Variants in RNF130 observed in about 807,000 individuals in gnomAD.
RNF130 encodes the protein E3 ubiquitin-protein ligase RNF130.
A neutral mutation model predicts 44.6 loss-of-function variants in RNF130; 21 were observed. That is an observed-to-expected ratio of 0.47 (90% CI 0.33 to 0.68). The LOEUF (loss-of-function observed/expected upper bound fraction) is 0.68, where lower values mean the gene tolerates loss of function less well. Among genes scored for constraint, RNF130 ranks in the 30% least tolerant of loss-of-function variants. The pLI is 0.02. For missense variants in RNF130, 479 were observed against 560.6 expected (o/e 0.85, Z 1.47); for synonymous variants, 214 against 210.4 (o/e 1.02, Z -0.15).
At chr5:180,046,558 T>C (rs955610950) in intron 1 of RNF130, among the ~76,000 whole-genome samples, 1 of 152,222 alleles carries the variant, frequency 6.6e-6, no homozygotes, top group African/African-American at 2.4e-5. Context: ...GCAGAAGTGA[T>C]AGCCTCGGAC....
At chr5:179,939,814 T>C (rs1761947153) in intron 7 of RNF130, 1 of 381,580 alleles carries the variant, frequency 2.6e-6, no homozygotes, top group Admixed American at 3.2e-5. Context: ...TCAAAGAAGT[T>C]GAATGAAAAT....
At chr5:179,962,855 G>T (rs1418411112) in intron 8 of RNF130, among the ~76,000 whole-genome samples, 1 of 152,110 alleles carries the variant, frequency 6.6e-6, no homozygotes, top group East Asian at 1.9e-4. Flanking sequence ...CAACCCCACC[G>T]ACAGACGTCC....
chr5:180,041,529 T>A (rs563353384), intron 1 of RNF130, among the ~76,000 whole-genome samples: 3 of 152,190 alleles, frequency 2.0e-5, no homozygotes, highest in Non-Finnish European at 4.4e-5. Flanking sequence ...CTGCAAATCT[T>A]AAGAAGAAGC....
chr5:180,057,725 C>T (rs780019819), intron 1 of RNF130, among the ~76,000 whole-genome samples: 11 of 152,176 alleles, frequency 7.2e-5, no homozygotes, highest in Non-Finnish European at 1.2e-4. Flanking sequence ...CCTCTCCATC[C>T]GGCTCTTAAT....
chr5:180,071,754 C>T lies in RNF130; in HGVS notation c.-52G>A, dbSNP rs1765278955. On this transcript the variant is annotated 5_prime_UTR_variant, in exon 1 of 9. Transcript: ENST00000521389. ...GCGGACCGGGCTCCGGGGCCGGCGC[C>T]TAGAGGCGGGGCGGGCGCGGCCCGG... The T allele has an allele frequency of 1.1e-5, 12 of 1,091,486 alleles. No individual in the cohort carries two copies. The South Asian group carries it at 5.4e-4, about 49-fold the overall frequency. 67.6% of individuals were successfully genotyped at this position (1,091,486 alleles called of 1,614,324 possible). A position where few individuals can be genotyped will look rare whatever the true frequency, so the allele number is the denominator to read the frequency against.
intron 1 of RNF130, among the ~76,000 whole-genome samples, chr5:180,060,990 A>AC (rs1171681456): frequency 7.5e-6 from 1 of 133,076 alleles, no homozygotes; most frequent in Non-Finnish European, 1.5e-5. Context: ...AATGGCGTGA[A>AC]CCCCGGGGGG....
intron 7 of RNF130, among the ~76,000 whole-genome samples, chr5:179,926,141 T>C (rs1404703029): frequency 6.6e-6 from 1 of 152,172 alleles, no homozygotes; most frequent in Non-Finnish European, 1.5e-5. Flanking sequence ...CTGTCTTTGT[T>C]CTACCTCTGA....
chr5:180,009,871 A>T (rs1417346736), intron 3 of RNF130, among the ~76,000 whole-genome samples: 1 of 152,226 alleles, frequency 6.6e-6, no homozygotes, highest in Non-Finnish European at 1.5e-5. Flanking sequence ...ATGAGCGAGC[A>T]ATTAAACAAA....
At chr5:179,920,145 C>G (rs1006555386) in exon 8 of RNF130, 5 of 557,580 alleles carry the variant, frequency 9.0e-6, no homozygotes, top group Non-Finnish European at 1.6e-5. Flanking sequence ...CTACTGTCCT[C>G]AAAGCCTCAC....
chr5:179,929,062 T>C (rs753887112), intron 7 of RNF130, among the ~76,000 whole-genome samples: 4 of 152,224 alleles, frequency 2.6e-5, no homozygotes, highest in Non-Finnish European at 5.9e-5. Flanking sequence ...TTTGATGACA[T>C]TTTATCTTAT....
intron 1 of RNF130, among the ~76,000 whole-genome samples, chr5:180,046,256 C>G (rs1257347282): frequency 6.6e-6 from 1 of 152,146 alleles, no homozygotes; most frequent in African/African-American, 2.4e-5. Context: ...AACTCCAGGG[C>G]CAGCCTCGGC....
chr5:180,051,238 A>ATTTATTTATT (rs1554107011), intron 1 of RNF130, among the ~76,000 whole-genome samples: 1 of 144,096 alleles, frequency 6.9e-6, no homozygotes, highest in African/African-American at 2.5e-5. Flanking sequence ...TATAGATATT[A>ATTTATTTATT]TATTTATTTA....
intron 2 of RNF130, among the ~76,000 whole-genome samples, chr5:180,026,240 TG>T (rs1198214622): frequency 6.6e-6 from 1 of 152,160 alleles, no homozygotes; most frequent in Non-Finnish European, 1.5e-5. Flanking sequence ...CTTTCAACAA[TG>T]GAAAGAATGT....
chr5:180,010,954 A>ACTT (rs1763581214), intron 3 of RNF130, among the ~76,000 whole-genome samples: 1 of 152,226 alleles, frequency 6.6e-6, no homozygotes, highest in South Asian at 2.1e-4. Flanking sequence ...AGTGGATTGC[A>ACTT]TCCATGCCAA....
At chr5:180,035,817 A>T (rs1370751886) in intron 2 of RNF130, among the ~76,000 whole-genome samples, 2 of 152,096 alleles carry the variant, frequency 1.3e-5, no homozygotes, top group South Asian at 2.1e-4. Flanking sequence ...CCAAAATTGT[A>T]CTCTCCAATT....
chr5:179,985,889 T>G (rs907373077), intron 3 of RNF130, among the ~76,000 whole-genome samples: 1 of 152,296 alleles, frequency 6.6e-6, no homozygotes, highest in East Asian at 1.9e-4. Flanking sequence ...AAATAACCTT[T>G]CTCCTCAATG....
intron 2 of RNF130, among the ~76,000 whole-genome samples, chr5:180,029,379 GA>G (rs535655798): frequency 4.6e-4 from 70 of 152,264 alleles, no homozygotes; most frequent in East Asian, 4.1e-3. Context: ...AGAACAGCAT[GA>G]AACCAAGAAT....
At chr5:179,971,394 G>A (rs1158831144) in intron 5 of RNF130, among the ~76,000 whole-genome samples, 1 of 152,182 alleles carries the variant, frequency 6.6e-6, no homozygotes, top group Non-Finnish European at 1.5e-5. Flanking sequence ...TTTTGAGACG[G>A]AGTCTTGCTC....
intron 1 of RNF130, among the ~76,000 whole-genome samples, chr5:180,051,526 C>T (rs906198923): frequency 4.6e-4 from 70 of 152,084 alleles, no homozygotes; most frequent in Admixed American, 1.5e-3. Flanking sequence ...CGTGAGCCAC[C>T]GCGCCCCGGC....
Sources: allele counts gnomAD v4.1 joint callset (sites outside exome capture counted in the v4.1 genomes callset), GRCh38; gene constraint gnomAD v4.1.1; transcripts MANE v1.5; gene names NCBI Gene and HGNC (gene_info 2026-07-23, HGNC 2026-07-21).